Variants in ADGRL3 observed in about 807,000 individuals in gnomAD.
ADGRL3 encodes adhesion G protein-coupled receptor L3, also known as calcium-independent alpha-latrotoxin receptor 3.
Under a neutral mutation model 153.5 loss-of-function variants are expected in ADGRL3, and 62 were observed. The ratio of observed to expected loss-of-function variants is 0.40; its 90% CI spans 0.33 to 0.50. The LOEUF (loss-of-function observed/expected upper bound fraction) is 0.50, where lower values mean the gene tolerates loss of function less well. Ranked by LOEUF, ADGRL3 falls within the 20% of genes least tolerant of loss-of-function variation. ADGRL3 has a pLI of 0.47. For missense variants in ADGRL3, 1,641 were observed against 1,859.4 expected, an observed-to-expected ratio of 0.88 and a Z score of 2.16; for synonymous variants, 710 against 672.5, an observed-to-expected ratio of 1.06 and a Z score of -0.86.
intron 2 of ADGRL3, among the ~76,000 whole-genome samples, chr4:61,404,730 C>A (rs2096972189): frequency 6.6e-6 from 1 of 152,012 alleles, no homozygotes; most frequent in Non-Finnish European, 1.5e-5. Flanking sequence ...CACTTTTGTG[C>A]TTTGCAAAAA....
At chr4:61,815,169 G>A (rs2097674331) in intron 9 of ADGRL3, among the ~76,000 whole-genome samples, 1 of 152,138 alleles carries the variant, frequency 6.6e-6, no homozygotes, top group Non-Finnish European at 1.5e-5. Flanking sequence ...ATATGTGAAG[G>A]TATTTTTAAG....
chr4:62,039,008 CTT>C (rs1726690423), intron 24 of ADGRL3, among the ~76,000 whole-genome samples: 1 of 152,040 alleles, frequency 6.6e-6, no homozygotes, highest in Admixed American at 6.6e-5. Flanking sequence ...GATAAATAAA[CTT>C]ATAAATCAAG....
intron 4 of ADGRL3, among the ~76,000 whole-genome samples, chr4:61,520,859 T>C (rs746972355): frequency 4.6e-5 from 7 of 152,040 alleles, no homozygotes; most frequent in Non-Finnish European, 7.4e-5. Context: ...TTCTCAATCT[T>C]TCCAACAGCT....
At chr4:62,048,435 G>T (rs2151727890) in intron 25 of ADGRL3, among the ~76,000 whole-genome samples, 1 of 151,922 alleles carries the variant, frequency 6.6e-6, no homozygotes, top group African/African-American at 2.4e-5. Flanking sequence ...GCTAATTTTT[G>T]TATTTTTAGT....
chr4:61,322,776 G>T (rs2095386854), intron 1 of ADGRL3, among the ~76,000 whole-genome samples: 1 of 152,186 alleles, frequency 6.6e-6, no homozygotes, highest in African/African-American at 2.4e-5. Flanking sequence ...GCCTTCACAA[G>T]CTGGCATTGA....
At position 61,998,203 on chromosome 4, in the gene ADGRL3, A is replaced by G. The variant is rs562998856; in HGVS notation, c.3333A>G (p.Leu1111=). 4.4e-6 allele frequency: 7 copies of G among 1,584,806 alleles called. No individual in the cohort carries two copies. Among genetic ancestry groups the G allele is most frequent in the African/African-American group, 4.1e-5 (3 of 73,810 alleles). Reference sequence around the variant, plus strand: ...ATGTAATCTTCCTTGGGATTGCTTTATATAAAATGTTTCATCATACTGCTA... The same window carrying G: ...ATGTAATCTTCCTTGGGATTGCTTTGTATAAAATGTTTCATCATACTGCTA... The part of the protein sequence containing the change: ...MLNVIFLGIA[L]YKMFHHTAIL... The change falls in exon 21 of 27, where the codon TTA becomes TTG. Residue 1111 remains leucine, a synonymous_variant. Transcript: ENST00000683033.
At chr4:61,665,655 ATTC>A (rs2094768217) in intron 5 of ADGRL3, among the ~76,000 whole-genome samples, 1 of 152,216 alleles carries the variant, frequency 6.6e-6, no homozygotes, top group African/African-American at 2.4e-5. Context: ...AAATGATATT[ATTC>A]TTATTTTTAA....
chr4:61,883,967 A>G (rs1019765217), intron 9 of ADGRL3, among the ~76,000 whole-genome samples: 1 of 152,030 alleles, frequency 6.6e-6, no homozygotes, highest in African/African-American at 2.4e-5. Context: ...GAGTTTGTGT[A>G]TTTCTCCTCT....
chr4:61,330,655 G>A (rs546866871), intron 1 of ADGRL3, among the ~76,000 whole-genome samples: 122 of 152,238 alleles, frequency 8.0e-4, no homozygotes, highest in African/African-American at 2.9e-3. Context: ...CTTAAAGTTG[G>A]CACGGACCCA....
intron 21 of ADGRL3, among the ~76,000 whole-genome samples, chr4:62,008,977 GC>G (rs1553909204): frequency 1.3e-5 from 2 of 152,062 alleles, no homozygotes; most frequent in Non-Finnish European, 2.9e-5. Flanking sequence ...CCAGTAACAT[GC>G]TATACAAGTT....
chr4:61,682,990 A>G (rs2095368940), intron 6 of ADGRL3, among the ~76,000 whole-genome samples: 1 of 152,118 alleles, frequency 6.6e-6, no homozygotes, highest in African/African-American at 2.4e-5. Context: ...TAAGCATTTC[A>G]CATTAGAAAT....
intron 17 of ADGRL3, among the ~76,000 whole-genome samples, chr4:61,957,772 T>C (rs904663426): frequency 6.6e-6 from 1 of 152,064 alleles, no homozygotes; most frequent in African/African-American, 2.4e-5. Flanking sequence ...TATTTAAATT[T>C]ATGAAAAACA....
In ADGRL3 at chr4:62,068,166, A is replaced by G; in HGVS notation, c.3815A>G (p.Glu1272Gly). Reference sequence around the variant, plus strand: ...TCCTTTTCTTCATGCTGTCGTTTAGAGCCCTACAGAGAGACAAGTATGGGA... The same window carrying G: ...TCCTTTTCTTCATGCTGTCGTTTAGGGCCCTACAGAGAGACAAGTATGGGA... ...DINSSASLNR[E>G]PYRETKGLLN... Residue 1272 changes from glutamate to glycine, a missense_variant and splice_region_variant, in exon 26 of 27, where the codon GAG becomes GGG. Physicochemically the swap from Glu to Gly is moderately conservative, Grantham distance 98. This residue lies in a region of ADGRL3 where 517 missense variants were observed against 555.0 expected (regional missense o/e 0.93). Transcript: ENST00000683033. The G allele has an allele frequency of 6.4e-7, 1 of 1,568,304 alleles. No individual in the cohort carries two copies. Among genetic ancestry groups the G allele is most frequent in the Non-Finnish European group, 8.6e-7 (1 of 1,165,656 alleles).
intron 1 of ADGRL3, among the ~76,000 whole-genome samples, chr4:61,366,123 A>T (rs1401216819): frequency 7.1e-6 from 1 of 141,732 alleles, no homozygotes; most frequent in Non-Finnish European, 1.6e-5. Flanking sequence ...AATTTCTGGC[A>T]TTTAAATATT....
At position 61,202,151 on chromosome 4, in the gene ADGRL3, A is replaced by AC. The variant is rs1734988862; in HGVS notation, c.-240+387dup. ...ATCCCCTGGTGGGGGCAGAAAGCGG[A>AC]CAGGAGGGCGACTTTTCTCCGTCAG... On this transcript the variant is annotated intron_variant, in intron 1 of 26. Transcript: ENST00000683033. The surrounding 1 kb of genome is among the most constrained non-coding windows in gnomAD (Gnocchi z 5.0). 6.5e-6 allele frequency: 1 copy of AC among 153,056 alleles called. No homozygotes were observed. Among genetic ancestry groups the AC allele is most frequent in the South Asian group, 2.1e-4 (1 of 4,858 alleles). 9.5% of individuals were successfully genotyped at this position (153,056 alleles called of 1,614,324 possible).
At chr4:61,795,117 A>T (rs923690059) in intron 8 of ADGRL3, among the ~76,000 whole-genome samples, 4 of 152,206 alleles carry the variant, frequency 2.6e-5, no homozygotes, top group African/African-American at 9.6e-5. Context: ...ATGGAAAAAT[A>T]TCAGTTTTAT....
At chr4:61,620,657 T>C (rs796523479) in intron 5 of ADGRL3, among the ~76,000 whole-genome samples, 1,639 of 145,832 alleles carry the variant, frequency 0.011, 11 homozygotes, top group African/African-American at 0.038. Flanking sequence ...TTTTTTTTTT[T>C]TTGAGATGGA....
chr4:61,456,384 T>TATAG (rs1553934045), intron 2 of ADGRL3, among the ~76,000 whole-genome samples: 1 of 115,100 alleles, frequency 8.7e-6, no homozygotes, highest in African/African-American at 3.4e-5. Flanking sequence ...TCTATATATA[T>TATAG]ATATAGATAT....
At chr4:61,508,624 G>A (rs910219213) in intron 3 of ADGRL3, among the ~76,000 whole-genome samples, 4 of 152,092 alleles carry the variant, frequency 2.6e-5, no homozygotes, top group African/African-American at 9.7e-5. Context: ...GGGGGTAAAT[G>A]TACAGGTTTG....
Sources: allele counts gnomAD v4.1 joint callset (sites outside exome capture counted in the v4.1 genomes callset), GRCh38; gene constraint gnomAD v4.1.1; regional missense constraint gnomAD v4.1.1; non-coding constraint Gnocchi (gnomAD v3.1); transcripts MANE v1.5; gene names NCBI Gene and HGNC (gene_info 2026-07-23, HGNC 2026-07-21).